Variants in SYN2 observed in about 807,000 individuals in gnomAD.
SYN2 encodes synapsin-2.
In SYN2, 19 loss-of-function variants were observed where a neutral mutation model predicts 50.9. That is an observed-to-expected ratio of 0.37 (90% CI 0.26 to 0.55). SYN2 has a LOEUF of 0.55. SYN2 is among the 20% of genes least tolerant of loss of function. SYN2 has a pLI of 0.81. For synonymous variants in SYN2, 255 were observed against 224.9 expected (o/e 1.13, Z -1.20); for missense variants, 587 against 576.4 (o/e 1.02, Z -0.19).
chr3:12,174,320 C>T (rs1698009119), intron 10 of SYN2, among the ~76,000 whole-genome samples: 1 of 152,042 alleles, frequency 6.6e-6, no homozygotes, highest in Non-Finnish European at 1.5e-5. Flanking sequence ...TAGTTTTTCC[C>T]CTTAGTCCTG....
At chr3:12,185,812 A>T in intron 11 of SYN2, 1 of 970,144 alleles carries the variant, frequency 1.0e-6, no homozygotes, top group Non-Finnish European at 1.2e-6. Flanking sequence ...CAAGAGACTG[A>T]GCTATTAACC....
At chr3:12,013,860 C>T (rs1258782851) in intron 1 of SYN2, among the ~76,000 whole-genome samples, 3 of 152,190 alleles carry the variant, frequency 2.0e-5, no homozygotes, top group Non-Finnish European at 4.4e-5. Flanking sequence ...CATGTCCAGA[C>T]TTCCTTTTCC....
chr3:12,147,939 C>T (rs973263553), intron 4 of SYN2, among the ~76,000 whole-genome samples: 1 of 151,062 alleles, frequency 6.6e-6, no homozygotes, highest in Non-Finnish European at 1.5e-5. Context: ...CAGAGAAACC[C>T]GTCTCTACTA....
intron 1 of SYN2, among the ~76,000 whole-genome samples, chr3:12,022,469 G>A (rs957734258): frequency 1.9e-4 from 29 of 152,166 alleles, no homozygotes; most frequent in African/African-American, 6.7e-4. Context: ...GTGCAGTGGC[G>A]CGATCTCGGC....
chr3:12,168,503 G>C (rs776438037), intron 9 of SYN2, 25 bp downstream of exon 9: 3 of 1,594,292 alleles, frequency 1.9e-6, no homozygotes, highest in Non-Finnish European at 1.7e-6. Flanking sequence ...AGCAGTAAGA[G>C]GTAACTCCTA....
chr3:12,110,329 A>G (rs929582514), intron 1 of SYN2, among the ~76,000 whole-genome samples: 6 of 152,170 alleles, frequency 3.9e-5, no homozygotes, highest in Non-Finnish European at 8.8e-5. Flanking sequence ...GTGACTTTGC[A>G]GGGGTATAGC....
At chr3:12,096,408 T>A (rs1695935377) in intron 1 of SYN2, among the ~76,000 whole-genome samples, 1 of 152,146 alleles carries the variant, frequency 6.6e-6, no homozygotes, top group African/African-American at 2.4e-5. Flanking sequence ...AACCCAGGTG[T>A]TCTGAGAACC....
chr3:12,068,717 T>C (rs1695276675), intron 1 of SYN2, among the ~76,000 whole-genome samples: 1 of 152,180 alleles, frequency 6.6e-6, no homozygotes, highest in Non-Finnish European at 1.5e-5. Flanking sequence ...AAGATTTCCT[T>C]GACTTTTCTT....
intron 1 of SYN2, among the ~76,000 whole-genome samples, chr3:12,058,050 G>A (rs1231827980): frequency 1.3e-5 from 2 of 152,048 alleles, no homozygotes; most frequent in African/African-American, 2.4e-5. Flanking sequence ...CACATACCTA[G>A]AATTTGATCC....
At chr3:12,062,279 A>G (rs1439532679) in intron 1 of SYN2, among the ~76,000 whole-genome samples, 1 of 152,024 alleles carries the variant, frequency 6.6e-6, no homozygotes, top group Non-Finnish European at 1.5e-5. Context: ...GGGAAAGGAC[A>G]GTCTTTTCAA....
intron 1 of SYN2, among the ~76,000 whole-genome samples, chr3:12,020,880 A>C (rs7625026): frequency 6.6e-6 from 1 of 152,156 alleles, no homozygotes; most frequent in African/African-American, 2.4e-5. Context: ...AATGTAATAA[A>C]GTATGATTTA....
At chr3:12,019,413 G>C (rs1290260272) in intron 1 of SYN2, among the ~76,000 whole-genome samples, 3 of 152,042 alleles carry the variant, frequency 2.0e-5, no homozygotes, top group African/African-American at 7.2e-5. Context: ...AAGGAGCTGG[G>C]AAACAGAAAA....
At chr3:12,067,144 G>C (rs776618213) in intron 1 of SYN2, among the ~76,000 whole-genome samples, 8 of 151,968 alleles carry the variant, frequency 5.3e-5, no homozygotes, top group Admixed American at 5.2e-4. Flanking sequence ...ATTTGCGTGG[G>C]GATACAGCCA....
chr3:12,143,905 C>T (rs572928832), intron 3 of SYN2, among the ~76,000 whole-genome samples: 2 of 152,322 alleles, frequency 1.3e-5, no homozygotes, highest in Admixed American at 1.3e-4. Flanking sequence ...TTCCCACCAA[C>T]GATGTAAAAG....
chr3:12,158,293 A>G (rs1317482868), intron 5 of SYN2, among the ~76,000 whole-genome samples: 3 of 152,192 alleles, frequency 2.0e-5, no homozygotes, highest in Non-Finnish European at 2.9e-5. Flanking sequence ...GTGTGTTGCC[A>G]TAGGGGCTTG....
intron 3 of SYN2, among the ~76,000 whole-genome samples, chr3:12,145,177 G>T (rs1292312409): frequency 1.3e-5 from 2 of 152,180 alleles, no homozygotes; most frequent in Non-Finnish European, 2.9e-5. Context: ...TGACGTAGGA[G>T]AATCACTTGA....
intron 11 of SYN2, chr3:12,185,798 G>A: frequency 1.3e-5 from 13 of 980,020 alleles, no homozygotes; most frequent in Non-Finnish European, 1.6e-5. Flanking sequence ...TCAGGTTTCT[G>A]GTGCAAGAGA....
intron 5 of SYN2, among the ~76,000 whole-genome samples, chr3:12,156,338 T>G (rs1350420000): frequency 1.3e-5 from 2 of 152,218 alleles, no homozygotes; most frequent in African/African-American, 4.8e-5. Flanking sequence ...CATATTTTTG[T>G]GTGATTCTTT....
chr3:12,093,487 C>G (rs1695870049), intron 1 of SYN2, among the ~76,000 whole-genome samples: 1 of 152,036 alleles, frequency 6.6e-6, no homozygotes, highest in Non-Finnish European at 1.5e-5. Context: ...TGTTCTCCTC[C>G]CCTGGTAAGA....
Sources: gnomAD v4.1 joint callset for allele counts (sites outside exome capture counted in the v4.1 genomes callset) on GRCh38, gnomAD v4.1.1 for gene constraint, MANE v1.5 for transcripts, NCBI Gene and HGNC (gene_info 2026-07-23, HGNC 2026-07-21) for gene names.